CP: variants seen among roughly 807,000 people sequenced by gnomAD.
The protein encoded by CP is ceruloplasmin, also known as caeruloplasmin.
Under a neutral mutation model 122.4 loss-of-function variants are expected in CP, and 64 were observed. That is an observed-to-expected ratio of 0.52 (90% CI 0.43 to 0.64). CP has a LOEUF of 0.64. CP is among the 30% of genes least tolerant of loss of function. CP has a pLI of 0.00. For synonymous variants in CP, 440 were observed against 436.4 expected (o/e 1.01, Z -0.10); for missense variants, 1,167 against 1,284.4 (o/e 0.91, Z 1.40).
intron 4 of CP, 56 bp from the exon 5 acceptor site, chr3:149,207,673 G>C: frequency 6.3e-7 from 1 of 1,575,812 alleles, no homozygotes; most frequent in Non-Finnish European, 8.7e-7. Flanking sequence ...GAGATAGTGA[G>C]AGTTACCTCT....
intron 17 of CP, 157 bp downstream of exon 17, chr3:149,177,683 T>A: frequency 1.2e-6 from 1 of 809,300 alleles, no homozygotes; most frequent in South Asian, 1.5e-5. Flanking sequence ...ATATTTTCAA[T>A]CCATGATTGA....
intron 8 of CP, among the ~76,000 whole-genome samples, chr3:149,199,144 C>G (rs188886829): frequency 6.6e-6 from 1 of 152,150 alleles, no homozygotes; most frequent in Non-Finnish European, 1.5e-5. Flanking sequence ...GTCAAAAAAT[C>G]CACATAATGA....
rs774521130 is a variant in CP at position 149,206,261 on chromosome 3, C to G, written c.1115G>C (p.Arg372Thr). Reference protein sequence around the residue: ...SKDNIRGKHVRHYYIAAEEII... With the variant: ...SKDNIRGKHVTHYYIAAEEII... Reference sequence around the variant, plus strand: ...TTCCTCAGCGGCAATGTAGTAGTGTCTAACATGCTTCCCACGGATATTATC... The same window carrying G: ...TTCCTCAGCGGCAATGTAGTAGTGTGTAACATGCTTCCCACGGATATTATC... The change falls in exon 6 of 19, where the codon AGA becomes ACA. Residue 372 changes from arginine to threonine, a missense_variant. Coordinates refer to ENST00000264613, the MANE Select transcript of CP (RefSeq NM_000096.4). The G allele has an allele frequency of 1.2e-6, 2 of 1,614,034 alleles. No individual in the cohort carries two copies. The highest frequency in any genetic ancestry group is 1.7e-6 in the Non-Finnish European group (2 of 1,179,902).
intron 4 of CP, among the ~76,000 whole-genome samples, chr3:149,166,436 G>T (rs1301423451): frequency 1.3e-5 from 2 of 152,126 alleles, no homozygotes; most frequent in East Asian, 3.8e-4. Flanking sequence ...ATGCTCTTCC[G>T]ACAGTATTTC....
At chr3:149,177,719 T>C in intron 17 of CP, 121 bp downstream of exon 17, 1 of 1,017,954 alleles carries the variant, frequency 9.8e-7, no homozygotes, top group Non-Finnish European at 1.6e-6. Flanking sequence ...TCCACGGATA[T>C]GAAGCACCGG....
At position 149,183,528 on chromosome 3, in the gene CP, G is replaced by A. The variant is rs1230939903; in HGVS notation, c.2363C>T (p.Thr788Ile). The A allele has an allele frequency of 1.2e-6, 2 of 1,610,696 alleles. No homozygotes were observed. The highest frequency in any genetic ancestry group is 2.7e-5 in the African/African-American group (2 of 74,658). The change falls in exon 13 of 19, where the codon ACT becomes ATT. Residue 788 changes from threonine (T) to isoleucine (I), a missense_variant. Thr to Ile is a moderately conservative substitution (Grantham distance 89). This residue lies in a region of CP where 525 missense variants were observed against 657.2 expected (regional missense o/e 0.80). Transcript: ENST00000264613. ...CACTGGAACACGGAATGTGCTATCA[G>A]TATACTGCCGATACACAACTTTCTT... The part of the protein sequence containing the change: ...KYKKVVYRQY[T>I]DSTFRVPVER...
chr3:149,196,282 G>A (rs1726893493), intron 9 of CP, among the ~76,000 whole-genome samples: 1 of 152,150 alleles, frequency 6.6e-6, no homozygotes, highest in Non-Finnish European at 1.5e-5. Context: ...TAAGATTGAT[G>A]CAGTTAATAA....
At chr3:149,179,132 C>A (rs1350101125) in intron 15 of CP, among the ~76,000 whole-genome samples, 2 of 152,196 alleles carry the variant, frequency 1.3e-5, no homozygotes, top group African/African-American at 2.4e-5. Flanking sequence ...ATAACCGACT[C>A]CATTTCTTTT....
chr3:149,213,675 G>A (rs1159758364), intron 1 of CP, among the ~76,000 whole-genome samples: 1 of 142,942 alleles, frequency 7.0e-6, no homozygotes, highest in African/African-American at 2.6e-5. Context: ...TGTGTGTGTT[G>A]CCTTCTTTCA....
At chr3:149,197,919 T>C (rs1028272584) in intron 9 of CP, among the ~76,000 whole-genome samples, 1 of 152,172 alleles carries the variant, frequency 6.6e-6, no homozygotes, top group African/African-American at 2.4e-5. Flanking sequence ...CCTCCTGCTG[T>C]GTGGCCCATG....
chr3:149,200,134 C>CA, intron 7 of CP: 1 of 441,182 alleles, frequency 2.3e-6, no homozygotes, highest in Admixed American at 3.4e-5. Flanking sequence ...TACACATCTA[C>CA]AAAAACTATT....
intron 6 of CP, among the ~76,000 whole-genome samples, chr3:149,205,118 C>G (rs1727612933): frequency 6.6e-6 from 1 of 151,458 alleles, no homozygotes; most frequent in African/African-American, 2.4e-5. Context: ...CTCAACATTA[C>G]TAGTCATTAA....
intron 4 of CP, 99 bp downstream of exon 4, chr3:149,209,112 C>G: frequency 2.7e-6 from 4 of 1,458,314 alleles, no homozygotes; most frequent in Non-Finnish European, 3.8e-6. Flanking sequence ...GGACCACAGA[C>G]TAGACACACA....
At position 149,183,624 on chromosome 3, in the gene CP, T is replaced by A; in HGVS notation, c.2286-19A>T. The A allele has an allele frequency of 2.8e-6, 4 of 1,444,584 alleles. No homozygotes were observed. The highest frequency in any genetic ancestry group is 2.9e-6 in the Non-Finnish European group (3 of 1,039,648). 89.5% of individuals were successfully genotyped at this position (1,444,584 alleles called of 1,614,324 possible). On this transcript the variant is annotated intron_variant, in intron 12 of 18. Coordinates refer to ENST00000264613, the MANE Select transcript of CP (RefSeq NM_000096.4). ...TGAAACACTTAAAAAAAAAAACAAC[T>A]AAGGTTAGTATTTGTCTTAATGAAA...
chr3:149,202,144 G>C lies in CP; in HGVS notation c.1306C>G (p.Arg436Gly). Reference protein sequence around the residue: ...REYTDASFTNRKERGPEEEHL... With the variant: ...REYTDASFTNGKERGPEEEHL... ...TCTTCTTCAGGGCCTCTCTCCTTTC[G>C]ATTTGTGAAGGAGGCATCTGTGTAC... is the stretch of plus-strand genomic sequence containing the variant. Residue 436 changes from arginine to glycine, a missense_variant, in exon 7 of 19, where the codon CGA becomes GGA. Arg to Gly is a moderately radical substitution (Grantham distance 125). Around this residue, in one of 2 missense-constraint regions of CP, gnomAD observed 642 missense variants for 627.3 expected, o/e 1.02. Coordinates refer to ENST00000264613, the MANE Select transcript of CP (RefSeq NM_000096.4). 6.2e-7 allele frequency: 1 copy of C among 1,614,058 alleles called. No individual in the cohort carries two copies. Among genetic ancestry groups the C allele is most frequent in the Non-Finnish European group, 8.5e-7 (1 of 1,180,004 alleles).
chr3:149,191,773 TAAC>T (rs1726563043), intron 9 of CP, among the ~76,000 whole-genome samples: 3 of 152,020 alleles, frequency 2.0e-5, no homozygotes, highest in Admixed American at 6.5e-5. Flanking sequence ...GTTAAGCAAT[TAAC>T]AGCTGTTTCT....
Position 149,177,928 on chromosome 3 carries a change from C to G in CP, c.2930G>C (p.Gly977Ala). The stretch of plus-strand genomic sequence containing the variant: ...CATCAGATACCAGTTGACTTCATCT[C>G]CCACGTGCATTGTGAGGCCTTGTAG... ...GNLQGLTMHVGDEVNWYLMGM... is the reference protein window; with the variant it reads ...GNLQGLTMHVADEVNWYLMGM... Residue 977 changes from glycine to alanine, a missense_variant, in exon 17 of 19, where the codon GGA (glycine) becomes GCA (alanine). This residue lies in a region of CP where 525 missense variants were observed against 657.2 expected (regional missense o/e 0.80). Transcript: ENST00000264613. 6.2e-7 allele frequency: 1 copy of G among 1,613,538 alleles called. No homozygotes were observed. Among genetic ancestry groups the G allele is most frequent in the Non-Finnish European group, 8.5e-7 (1 of 1,179,500 alleles).
chr3:149,209,942 T>G (rs1228223964), intron 3 of CP, among the ~76,000 whole-genome samples: 2 of 152,162 alleles, frequency 1.3e-5, no homozygotes, highest in African/African-American at 4.8e-5. Flanking sequence ...AGAATATATT[T>G]CTTTCACATT....
At position 149,188,128 on chromosome 3, in the gene CP, A is replaced by T; in HGVS notation, c.1788T>A (p.Asn596Lys). ...CAGGTGCAGTTGTAAACATTCTAATATTATCTTCCAGGAGTAAACTCTCAT... is the reference window on the plus strand; with the variant it reads ...CAGGTGCAGTTGTAAACATTCTAATTTTATCTTCCAGGAGTAAACTCTCAT... ...DENESLLLEDNIRMFTTAPDQ... is the reference protein window; with the variant it reads ...DENESLLLEDKIRMFTTAPDQ... Residue 596 changes from asparagine to lysine, a missense_variant, in exon 10 of 19, where the codon AAT becomes AAA. This residue lies in a region of CP where 525 missense variants were observed against 657.2 expected (regional missense o/e 0.80). Transcript: ENST00000264613. 6.2e-7 allele frequency: 1 copy of T among 1,612,890 alleles called. No homozygotes were observed.
Sources: allele counts gnomAD v4.1 joint callset (sites outside exome capture counted in the v4.1 genomes callset), GRCh38; gene constraint gnomAD v4.1.1; regional missense constraint gnomAD v4.1.1; transcripts MANE v1.5; gene names NCBI Gene and HGNC (gene_info 2026-07-23, HGNC 2026-07-21).